Variants in DYNLL1 observed in about 807,000 individuals in gnomAD.
DYNLL1 encodes dynein light chain 1, cytoplasmic.
DYNLL1 carries 3 observed loss-of-function variants against 10.1 expected under a neutral mutation model. The observed-to-expected ratio is 0.30, with a 90% CI of 0.14 to 0.77. The LOEUF is 0.77. Ranked by LOEUF, DYNLL1 falls within the 30% of genes least tolerant of loss-of-function variation. The pLI, the probability that DYNLL1 is intolerant of heterozygous loss-of-function variation, is 0.66. For missense variants in DYNLL1, 47 were observed against 111.7 expected, an observed-to-expected ratio of 0.42 and a Z score of 2.61; for synonymous variants, 46 against 41.2, an observed-to-expected ratio of 1.12 and a Z score of -0.45.
At chr12:120,477,770 G>A (rs1042365174) in intron 1 of DYNLL1, among the ~76,000 whole-genome samples, 12 of 151,620 alleles carry the variant, frequency 7.9e-5, no homozygotes, top group African/African-American at 2.7e-4. Flanking sequence ...GCAAGACCCC[G>A]TCTCTGAAAA....
chr12:120,480,194 G>A (rs1036085723), intron 1 of DYNLL1, among the ~76,000 whole-genome samples: 8 of 152,178 alleles, frequency 5.3e-5, no homozygotes, highest in African/African-American at 1.7e-4. Context: ...AAAACCTATG[G>A]TTCCCCCAAA....
In DYNLL1 at chr12:120,496,409, C is replaced by T. The variant is rs1276901967; in HGVS notation, c.-6-7C>T. 4 of 1,613,904 alleles carry T rather than the reference C, an allele frequency of 2.5e-6. No individual in the cohort carries two copies. Among genetic ancestry groups the T allele is most frequent in the East Asian group, 2.2e-5 (1 of 44,896 alleles). ...CTCAACCCCTTACCCCAGGCCTTGC[C>T]CACTAGGTAACCATGTGCGACCGAA... On this transcript the variant is annotated splice_region_variant and splice_polypyrimidine_tract_variant and intron_variant, in intron 1 of 2. Coordinates refer to ENST00000242577, the MANE Select transcript of DYNLL1 (RefSeq NM_003746.3).
At chr12:120,496,018 C>A (rs1868371195), upstream of DYNLL1, 1 of 310,942 alleles carries the variant, frequency 3.2e-6, no homozygotes, top group East Asian at 7.9e-5. Flanking sequence ...CCGTGGGCTG[C>A]GTCAAGCCAA....
intron 1 of DYNLL1, among the ~76,000 whole-genome samples, chr12:120,487,959 C>G (rs1266857387): frequency 6.6e-6 from 1 of 152,214 alleles, no homozygotes; most frequent in Non-Finnish European, 1.5e-5. Context: ...TGAGGGAGTA[C>G]TGGGAGAATC....
chr12:120,487,677 G>A (rs966131087), intron 1 of DYNLL1, among the ~76,000 whole-genome samples: 2 of 152,142 alleles, frequency 1.3e-5, no homozygotes, highest in Non-Finnish European at 2.9e-5. Flanking sequence ...TGGCATGAAA[G>A]CAGGGATATA....
intron 1 of DYNLL1, among the ~76,000 whole-genome samples, chr12:120,479,179 A>T (rs1878821729): frequency 7.1e-6 from 1 of 140,124 alleles, no homozygotes; most frequent in Admixed American, 7.7e-5. Context: ...TAATAGTAAT[A>T]GGCCAGGCGC....
chr12:120,470,563 ACTCAGGTGATCCTCC>A (rs1360306679), intron 1 of DYNLL1, among the ~76,000 whole-genome samples: 1 of 151,848 alleles, frequency 6.6e-6, no homozygotes, highest in Non-Finnish European at 1.5e-5. Flanking sequence ...ATCTCGCTGG[ACTCAGGTGATCCTCC>A]CACCTCGGGG....
chr12:120,483,124 G>C (rs2138251), intron 1 of DYNLL1, among the ~76,000 whole-genome samples: 39,396 of 151,848 alleles, frequency 0.26, 5,956 homozygotes, highest in East Asian at 0.5. Flanking sequence ...TGGATCACAA[G>C]GTCAGGAGTT....
upstream of DYNLL1, chr12:120,491,754 G>A (rs1027935855): frequency 1.3e-5 from 2 of 152,210 alleles, no homozygotes; most frequent in Non-Finnish European, 2.9e-5. Context: ...CTGATGACCG[G>A]AGCTGAAAGG....
chr12:120,486,867 C>G (rs1213305712), intron 1 of DYNLL1, among the ~76,000 whole-genome samples: 2 of 152,208 alleles, frequency 1.3e-5, no homozygotes, highest in African/African-American at 4.8e-5. Flanking sequence ...CCCTACTAAC[C>G]TGCCCACTTC....
chr12:120,483,911 C>T (rs1649490618), intron 1 of DYNLL1, among the ~76,000 whole-genome samples: 1 of 151,926 alleles, frequency 6.6e-6, no homozygotes, highest in Non-Finnish European at 1.5e-5. Flanking sequence ...AAGGGAGGAC[C>T]CAGAGGAAGA....
chr12:120,496,012 G>A, upstream of DYNLL1: 1 of 302,496 alleles, frequency 3.3e-6, no homozygotes, highest in Non-Finnish European at 6.3e-6. Context: ...AGAATGCCGT[G>A]GGCTGCGTCA....
chr12:120,471,210 C>CA (rs528588508), intron 1 of DYNLL1, among the ~76,000 whole-genome samples: 37,274 of 132,080 alleles, frequency 0.28, 5,377 homozygotes, highest in East Asian at 0.51. Context: ...ACTAAAAATA[C>CA]AAAAAAAAAA....
At chr12:120,470,159 G>A (rs144620192) in intron 1 of DYNLL1, 2,679 of 152,626 alleles carry the variant, frequency 0.018, 57 homozygotes, top group South Asian at 0.051. Flanking sequence ...CAGAACTGAC[G>A]GTGTCAGCAT....
intron 2 of DYNLL1, chr12:120,497,622 C>G (rs1470783943): frequency 6.5e-6 from 1 of 153,988 alleles, no homozygotes; most frequent in African/African-American, 2.4e-5. Context: ...TCTTGTGTTG[C>G]AGGGGTGCAG....
intron 1 of DYNLL1, among the ~76,000 whole-genome samples, chr12:120,474,659 T>C (rs1377001055): frequency 6.6e-6 from 1 of 152,206 alleles, no homozygotes; most frequent in Non-Finnish European, 1.5e-5. Context: ...TTTCTCCTTT[T>C]CTCTGTGACA....
At chr12:120,497,620 T>C (rs1161098830) in intron 2 of DYNLL1, 1 of 154,272 alleles carries the variant, frequency 6.5e-6, no homozygotes, top group Non-Finnish European at 1.4e-5. Flanking sequence ...AGTCTTGTGT[T>C]GCAGGGGTGC....
chr12:120,485,929 A>C (rs1420774189), intron 1 of DYNLL1, among the ~76,000 whole-genome samples: 1 of 150,964 alleles, frequency 6.6e-6, no homozygotes, highest in East Asian at 1.9e-4. Flanking sequence ...GGATGTATTT[A>C]AGACAAAATA....
At chr12:120,484,305 C>T (rs1424550366) in intron 1 of DYNLL1, among the ~76,000 whole-genome samples, 1 of 120,218 alleles carries the variant, frequency 8.3e-6, no homozygotes, top group Non-Finnish European at 1.6e-5. Context: ...ACAGTTCATA[C>T]AGGGTAACGG....
Sources: allele counts gnomAD v4.1 joint callset (sites outside exome capture counted in the v4.1 genomes callset), GRCh38; gene constraint gnomAD v4.1.1; transcripts MANE v1.5; gene names NCBI Gene and HGNC (gene_info 2026-07-23, HGNC 2026-07-21).